The following TBC1D8 variants were observed in gnomAD, a reference collection of about 807,000 sequenced individuals.
TBC1D8 encodes TBC1 domain family member 8, also known as BUB2-like protein 1.
Under a neutral mutation model 118.8 loss-of-function variants are expected in TBC1D8, and 65 were observed. The ratio of observed to expected loss-of-function variants is 0.55; its 90% CI spans 0.45 to 0.67. The LOEUF (loss-of-function observed/expected upper bound fraction) is 0.67. Ranked by LOEUF, TBC1D8 falls within the 30% of genes least tolerant of loss-of-function variation. The pLI is 0.00. For synonymous variants in TBC1D8, 566 were observed against 595.8 expected (o/e 0.95, Z 0.73); for missense variants, 1,376 against 1,471.2 (o/e 0.94, Z 1.06).
intron 11 of TBC1D8, among the ~76,000 whole-genome samples, chr2:101,031,255 A>G (rs1057047285): frequency 6.6e-6 from 1 of 152,208 alleles, no homozygotes; most frequent in African/African-American, 2.4e-5. Context: ...CTAGCCACTC[A>G]GGCACACGAA....
At chr2:101,050,675 C>T (rs1558655029) in intron 4 of TBC1D8, 34 bp from the exon 5 acceptor site, 1 of 1,597,588 alleles carries the variant, frequency 6.3e-7, no homozygotes, top group East Asian at 2.2e-5. Flanking sequence ...CCTATTATGC[C>T]ATGAAATTTG....
intron 1 of TBC1D8, among the ~76,000 whole-genome samples, chr2:101,113,495 G>T (rs1677693919): frequency 1.3e-5 from 2 of 152,104 alleles, no homozygotes; most frequent in Admixed American, 6.6e-5. Flanking sequence ...AACTTGTTCA[G>T]CGAGACTCAC....
chr2:101,011,219 C>A, intron 18 of TBC1D8, 193 bp from the exon 19 acceptor site: 1 of 686,246 alleles, frequency 1.5e-6, no homozygotes, highest in Non-Finnish European at 2.4e-6. Flanking sequence ...TAAGAGGACC[C>A]GTGAAACAGC....
intron 1 of TBC1D8, among the ~76,000 whole-genome samples, chr2:101,135,480 T>C (rs1312010106): frequency 6.6e-6 from 1 of 151,808 alleles, no homozygotes; most frequent in Non-Finnish European, 1.5e-5. Context: ...ATATACCAAA[T>C]GTAGGCATGA....
intron 1 of TBC1D8, among the ~76,000 whole-genome samples, chr2:101,123,249 C>T (rs978215411): frequency 2.6e-5 from 4 of 152,060 alleles, no homozygotes; most frequent in African/African-American, 9.7e-5. Flanking sequence ...AGTCTTTAGG[C>T]TTTTCTAGAT....
chr2:101,059,143 G>A (rs1410652453), intron 3 of TBC1D8, among the ~76,000 whole-genome samples: 4 of 151,290 alleles, frequency 2.6e-5, no homozygotes, highest in African/African-American at 4.9e-5. Context: ...TCCTGACCTC[G>A]TGATCTGCCT....
intron 4 of TBC1D8, among the ~76,000 whole-genome samples, chr2:101,053,823 A>G (rs1011458853): frequency 2.6e-5 from 4 of 152,232 alleles, no homozygotes; most frequent in African/African-American, 9.6e-5. Flanking sequence ...TTAAGCCATC[A>G]GTGATAACAC....
In TBC1D8 at chr2:101,109,728, G is replaced by A. The variant is rs1677471266; in HGVS notation, c.128-19364C>T. The A allele has an allele frequency of 9.8e-6, 9 of 921,076 alleles. No individual in the cohort carries two copies. In the South Asian group the frequency reaches 2.5e-4, roughly 26 times the overall value. The allele number at this position is 921,076 out of a possible 1,614,324, so 57.1% of individuals were successfully genotyped here. A position where few individuals can be genotyped will look rare whatever the true frequency, so the allele number is the denominator to read the frequency against. ...GCCCTGAGCACTGAGAGATGATGCC[G>A]GGCCTCCCCAGCCCTGGCTCCAGAG... On this transcript the variant is annotated intron_variant, in intron 1 of 19. Coordinates refer to ENST00000409318, the MANE Select transcript of TBC1D8 (RefSeq NM_001330348.2).
At chr2:101,107,181 T>C (rs961260484) in intron 1 of TBC1D8, among the ~76,000 whole-genome samples, 1 of 152,068 alleles carries the variant, frequency 6.6e-6, no homozygotes, top group African/African-American at 2.4e-5. Context: ...GCAAGAATGA[T>C]CCAGATGGTA....
At chr2:101,053,276 G>C (rs1682182077) in intron 4 of TBC1D8, among the ~76,000 whole-genome samples, 1 of 152,170 alleles carries the variant, frequency 6.6e-6, no homozygotes, top group African/African-American at 2.4e-5. Context: ...GTTAGGTCAG[G>C]GCACACTCCG....
intron 1 of TBC1D8, among the ~76,000 whole-genome samples, chr2:101,097,076 G>A (rs1038186431): frequency 2.0e-5 from 3 of 152,038 alleles, no homozygotes; most frequent in Non-Finnish European, 4.4e-5. Context: ...TCTAAAAGAA[G>A]CCATAGGGGG....
intron 4 of TBC1D8, 34 bp downstream of exon 4, chr2:101,054,074 T>A (rs756794837): frequency 1.3e-6 from 2 of 1,580,120 alleles, no homozygotes; most frequent in Admixed American, 3.6e-5. Flanking sequence ...TGGGGCCAAC[T>A]TTATCTTGGA....
chr2:101,071,341 T>A (rs1203500307), intron 2 of TBC1D8, among the ~76,000 whole-genome samples: 1 of 148,186 alleles, frequency 6.7e-6, no homozygotes, highest in Non-Finnish European at 1.5e-5. Context: ...CGAGACTCCG[T>A]CTCAAAAACA....
intron 1 of TBC1D8, among the ~76,000 whole-genome samples, chr2:101,091,284 T>A (rs1676018175): frequency 6.6e-6 from 1 of 151,730 alleles, no homozygotes; most frequent in Non-Finnish European, 1.5e-5. Flanking sequence ...AAACTCCATC[T>A]CAAAAAAAGA....
chr2:101,102,547 A>C (rs529517722), intron 1 of TBC1D8, among the ~76,000 whole-genome samples: 9 of 152,034 alleles, frequency 5.9e-5, no homozygotes, highest in South Asian at 2.1e-4. Flanking sequence ...CAAAAAAAAA[A>C]CAACAAAAAA....
Position 101,054,227 on chromosome 2 carries a change from G to A in TBC1D8, c.512C>T (p.Ala171Val), listed in dbSNP as rs114414274. ...GGAGTAGTAGGTGACCAGCTTCTCC[G>A]CCTCGGGGAAGTTGAACCTGGCCTC... is the stretch of plus-strand genomic sequence containing the variant. ...KFEARFNFPEAEKLVTYYSCC... is the reference protein window; with the variant it reads ...KFEARFNFPEVEKLVTYYSCC... The change falls in exon 4 of 20, where the codon GCG (alanine) becomes GTG (valine). Residue 171 changes from alanine to valine, a missense_variant. Physicochemically the swap from Ala to Val is moderately conservative, Grantham distance 64 (BLOSUM62 0). Coordinates refer to ENST00000409318, the MANE Select transcript of TBC1D8 (RefSeq NM_001330348.2). 6,849 of 1,609,972 alleles carry A rather than the reference G, an allele frequency of 4.3e-3. 271 individuals carry two copies. The African/African-American group carries it at 0.081, about 19-fold the overall frequency.
chr2:101,111,956 G>T (rs1202096597), intron 1 of TBC1D8, among the ~76,000 whole-genome samples: 2 of 149,726 alleles, frequency 1.3e-5, no homozygotes, highest in Non-Finnish European at 3.0e-5. Flanking sequence ...AGTGGTCAGA[G>T]ATTTCTGCAG....
intron 5 of TBC1D8, among the ~76,000 whole-genome samples, chr2:101,046,219 C>T (rs1298076774): frequency 6.6e-6 from 1 of 152,226 alleles, no homozygotes; most frequent in South Asian, 2.1e-4. Context: ...TGCTAGGACA[C>T]ACTGCAGCCC....
At chr2:101,041,980 G>A (rs755399899) in intron 5 of TBC1D8, among the ~76,000 whole-genome samples, 5 of 151,724 alleles carry the variant, frequency 3.3e-5, no homozygotes, top group African/African-American at 9.7e-5. Context: ...AGTCGAGATC[G>A]CGCCACTGCA....
Sources: gnomAD v4.1 joint callset for allele counts (sites outside exome capture counted in the v4.1 genomes callset) on GRCh38, gnomAD v4.1.1 for gene constraint, MANE v1.5 for transcripts, NCBI Gene and HGNC (gene_info 2026-07-23, HGNC 2026-07-21) for gene names.